The following PDGFD variants were observed in gnomAD, a reference collection of about 807,000 sequenced individuals.
The protein encoded by PDGFD is platelet derived growth factor D.
In PDGFD, 30 loss-of-function variants were observed where a neutral mutation model predicts 44.7. The observed-to-expected ratio is 0.67, with a 90% CI of 0.50 to 0.91. PDGFD has a LOEUF of 0.91. Ranked by LOEUF, PDGFD falls within the 40% of genes least tolerant of loss-of-function variation. The pLI is 0.00. For missense variants in PDGFD, 445 were observed against 457.8 expected, an observed-to-expected ratio of 0.97 and a Z score of 0.25; for synonymous variants, 173 against 168.4, an observed-to-expected ratio of 1.03 and a Z score of -0.21.
rs11226104 is a variant in PDGFD at position 103,988,165 on chromosome 11, C to T, written c.510+7900G>A. Among the ~76,000 whole-genome samples, 663 of 152,088 alleles carry T rather than the reference C, an allele frequency of 4.4e-3. 5 individuals are homozygous for T. Among genetic ancestry groups the T allele is most frequent in the East Asian group, 0.027 (139 of 5,176 alleles). On this transcript the variant is annotated intron_variant, in intron 3 of 6. Transcript: ENST00000393158. ...TAGCTTGAATAGCTTTTTCCTACTT[C>T]GTTTTCCTCATTTTCTTAATCTATC...
At chr11:104,048,250 A>G (rs1860474045) in intron 1 of PDGFD, among the ~76,000 whole-genome samples, 1 of 152,118 alleles carries the variant, frequency 6.6e-6, no homozygotes, top group South Asian at 2.1e-4. Flanking sequence ...CAGCCAGCTA[A>G]GTAGAAATGA....
intron 6 of PDGFD, among the ~76,000 whole-genome samples, chr11:103,915,514 G>T (rs1858108418): frequency 6.6e-6 from 1 of 152,090 alleles, no homozygotes. Context: ...TGGCCATACT[G>T]CCCAAAGTAA....
chr11:104,146,125 C>A (rs571837164), intron 1 of PDGFD, among the ~76,000 whole-genome samples: 1 of 152,304 alleles, frequency 6.6e-6, no homozygotes, highest in African/African-American at 2.4e-5. Context: ...TTTGAGCACT[C>A]ACCATTAAAG....
chr11:104,082,762 G>C (rs61892466), intron 1 of PDGFD, among the ~76,000 whole-genome samples: 2 of 152,092 alleles, frequency 1.3e-5, no homozygotes, highest in Non-Finnish European at 2.9e-5. Context: ...ATCCCAAGTA[G>C]CTAGGGCTAC....
chr11:103,968,384 G>A (rs574709463), intron 3 of PDGFD, among the ~76,000 whole-genome samples: 4 of 152,206 alleles, frequency 2.6e-5, no homozygotes, highest in South Asian at 2.1e-4. Flanking sequence ...CCTACGGGAC[G>A]TCTGATAAGC....
At chr11:103,973,910 T>C (rs1259675370) in intron 3 of PDGFD, among the ~76,000 whole-genome samples, 4 of 152,112 alleles carry the variant, frequency 2.6e-5, no homozygotes, top group African/African-American at 9.7e-5. Context: ...TGGGGTTTTA[T>C]CATAGGGAAT....
chr11:103,950,133 A>C (rs573413108), intron 3 of PDGFD, among the ~76,000 whole-genome samples: 14 of 152,318 alleles, frequency 9.2e-5, no homozygotes, highest in African/African-American at 2.9e-4. Flanking sequence ...CAACACAAAA[A>C]TGCAATTCAA....
At chr11:104,091,574 C>T (rs1392571970) in intron 1 of PDGFD, among the ~76,000 whole-genome samples, 7 of 152,198 alleles carry the variant, frequency 4.6e-5, no homozygotes, top group African/African-American at 9.7e-5. Context: ...GAAAGGCTGA[C>T]AAGCTGTCTT....
chr11:103,943,311 A>G (rs1858615263), intron 5 of PDGFD, 141 bp downstream of exon 5: 4 of 762,664 alleles, frequency 5.2e-6, no homozygotes, highest in Admixed American at 5.7e-5. Flanking sequence ...CAGCAAGTAT[A>G]AATGTAAATG....
chr11:104,017,358 T>G lies in PDGFD; in HGVS notation c.125-17103A>C, dbSNP rs1859874749. Among the ~76,000 whole-genome samples the G allele has an allele frequency of 2.0e-5, 3 of 150,860 alleles. No individual in the cohort carries two copies. The South Asian group carries it at 6.3e-4, about 32-fold the overall frequency. The stretch of plus-strand genomic sequence containing the variant: ...CTTGGGTGTTTTTCCGTTTTTTTTG[T>G]TTTTTTTTAAATTATCCAGTATATG... On this transcript the variant is annotated intron_variant, in intron 1 of 6. Coordinates refer to ENST00000393158, the MANE Select transcript of PDGFD (RefSeq NM_025208.5).
chr11:104,009,429 CATTATT>C lies in PDGFD; in HGVS notation c.125-9180_125-9175del, dbSNP rs58324746. ...AAATCAGTCCTGTGTCTTGCAAATG[CATTATT>C]ATTATTATTATTATTATTATCATTA... On this transcript the variant is annotated intron_variant, in intron 1 of 6. Transcript: ENST00000393158. Among the ~76,000 whole-genome samples, 132 of 148,818 alleles carry C rather than the reference CATTATT, an allele frequency of 8.9e-4. 2 individuals are homozygous for C. The highest frequency in any genetic ancestry group is 3.5e-3 in the Middle Eastern group (1 of 282).
At chr11:103,930,527 G>A (rs1421094482) in intron 5 of PDGFD, among the ~76,000 whole-genome samples, 2 of 145,836 alleles carry the variant, frequency 1.4e-5, no homozygotes, top group African/African-American at 5.2e-5. Flanking sequence ...TGCAGTTGAG[G>A]AAACTGAGCC....
In PDGFD at chr11:104,058,869, G is replaced by A. The variant is rs181098247; in HGVS notation, c.125-58614C>T. 2.0e-5 allele frequency among the ~76,000 whole-genome samples: 3 copies of A among 152,186 alleles called. No individual in the cohort carries two copies. In the East Asian group the frequency reaches 5.8e-4, roughly 29 times the overall value. ...ATGTAAAGCATTATGCTAAGTGAAA[G>A]AAGCGAGACACACAAGGCTGTATAC... On this transcript the variant is annotated intron_variant, in intron 1 of 6. Transcript: ENST00000393158.
intron 1 of PDGFD, among the ~76,000 whole-genome samples, chr11:104,047,578 A>T (rs1860464309): frequency 6.8e-6 from 1 of 146,964 alleles, no homozygotes; most frequent in African/African-American, 2.5e-5. Context: ...CCACTTTTTG[A>T]TGGGGTTGTT....
At chr11:104,031,628 A>G (rs112230199) in intron 1 of PDGFD, among the ~76,000 whole-genome samples, 1,912 of 152,318 alleles carry the variant, frequency 0.013, 44 homozygotes, top group African/African-American at 0.043. Context: ...TTTGACCCAG[A>G]AATCTCATTA....
At chr11:103,994,771 G>T (rs929706746) in intron 3 of PDGFD, among the ~76,000 whole-genome samples, 1 of 151,776 alleles carries the variant, frequency 6.6e-6, no homozygotes, top group South Asian at 2.1e-4. Context: ...AAGGATTCTG[G>T]GATATTTATG....
intron 3 of PDGFD, among the ~76,000 whole-genome samples, chr11:103,967,631 G>A (rs1859040908): frequency 6.6e-6 from 1 of 152,110 alleles, no homozygotes; most frequent in African/African-American, 2.4e-5. Context: ...CCACCTGGCT[G>A]TTCAGTGGCA....
chr11:103,986,327 G>GT (rs2134355662), intron 3 of PDGFD, among the ~76,000 whole-genome samples: 1 of 152,304 alleles, frequency 6.6e-6, no homozygotes, highest in South Asian at 2.1e-4. Context: ...GCCAGAGTGA[G>GT]TACAAGAGTA....
intron 1 of PDGFD, among the ~76,000 whole-genome samples, chr11:104,103,320 T>C (rs1289620184): frequency 6.6e-6 from 1 of 151,932 alleles, no homozygotes; most frequent in Non-Finnish European, 1.5e-5. Flanking sequence ...GTATGTTTTT[T>C]CCTCAGTCTC....
Sources: gnomAD v4.1 joint callset for allele counts (sites outside exome capture counted in the v4.1 genomes callset) on GRCh38, gnomAD v4.1.1 for gene constraint, MANE v1.5 for transcripts, NCBI Gene and HGNC (gene_info 2026-07-23, HGNC 2026-07-21) for gene names.